Variants in SSH2 observed in about 807,000 individuals in gnomAD.
The protein encoded by SSH2 is slingshot protein phosphatase 2.
In SSH2, 37 loss-of-function variants were observed where a neutral mutation model predicts 135.2. That is an observed-to-expected ratio of 0.27 (90% CI 0.21 to 0.36). The LOEUF (loss-of-function observed/expected upper bound fraction) is 0.36. Among genes scored for constraint, SSH2 ranks in the 10% least tolerant of loss-of-function variants. The pLI is 1.00. For synonymous variants in SSH2, 628 were observed against 646.2 expected (o/e 0.97, Z 0.43); for missense variants, 1,408 against 1,765.3 (o/e 0.80, Z 3.63).
At chr17:29,675,420 C>A (rs2037665374) in intron 8 of SSH2, among the ~76,000 whole-genome samples, 1 of 152,134 alleles carries the variant, frequency 6.6e-6, no homozygotes, top group African/African-American at 2.4e-5. Context: ...AAATTCAAAT[C>A]CCTGACTGGG....
At chr17:29,885,249 C>A (rs1409775304) in intron 1 of SSH2, among the ~76,000 whole-genome samples, 1 of 150,224 alleles carries the variant, frequency 6.7e-6, no homozygotes, top group Non-Finnish European at 1.5e-5. Flanking sequence ...CTCACCAAGT[C>A]TTATGCAACC....
intron 3 of SSH2, among the ~76,000 whole-genome samples, chr17:29,709,045 G>GAGAGAGAGAGAGAA (rs1403595513): frequency 6.8e-6 from 1 of 147,520 alleles, no homozygotes; most frequent in Non-Finnish European, 1.5e-5. Context: ...GAGAGAGAGA[G>GAGAGAGAGAGAGAA]AGAGAGAGCT....
intron 3 of SSH2, among the ~76,000 whole-genome samples, chr17:29,792,715 A>C (rs983587502): frequency 3.3e-5 from 5 of 152,192 alleles, no homozygotes; most frequent in African/African-American, 1.2e-4. Context: ...CTCGCTCTGT[A>C]GCCCAAGCTG....
At chr17:29,833,060 C>A (rs554008749) in intron 2 of SSH2, among the ~76,000 whole-genome samples, 1 of 152,190 alleles carries the variant, frequency 6.6e-6, no homozygotes, top group Non-Finnish European at 1.5e-5. Flanking sequence ...AATGTGTATT[C>A]TGTAGCCATT....
chr17:29,818,409 C>T (rs929550759), intron 2 of SSH2, among the ~76,000 whole-genome samples: 4 of 151,892 alleles, frequency 2.6e-5, no homozygotes, highest in East Asian at 1.9e-4. Context: ...CCACCAAGCC[C>T]GGCTAATTTT....
Position 29,772,397 on chromosome 17 carries a change from C to T in SSH2, c.188+21497G>A, listed in dbSNP as rs551077934. Among the ~76,000 whole-genome samples the T allele has an allele frequency of 7.2e-5, 11 of 152,194 alleles. No individual in the cohort carries two copies. In the South Asian group the frequency reaches 2.1e-3, roughly 29 times the overall value. On this transcript the variant is annotated intron_variant, in intron 3 of 15. Transcript: ENST00000540801. Reference sequence around the variant, plus strand: ...AGTAGCTGGGACTACAGGCGCCCACCACCATGCCCGAATAATTTTTTGTAT... The same window carrying T: ...AGTAGCTGGGACTACAGGCGCCCACTACCATGCCCGAATAATTTTTTGTAT...
chr17:29,694,057 C>T (rs968916049), intron 5 of SSH2, among the ~76,000 whole-genome samples: 2 of 151,678 alleles, frequency 1.3e-5, no homozygotes, highest in Non-Finnish European at 2.9e-5. Flanking sequence ...AGCATAAATT[C>T]ATAAACTTTC....
rs146353275 is a variant in SSH2, at chr17:29,719,844, C to T, written c.189-16782G>A. Among the ~76,000 whole-genome samples, 1,266 of 152,264 alleles carry T rather than the reference C, an allele frequency of 8.3e-3. 20 individuals carry two copies. Among genetic ancestry groups the T allele is most frequent in the African/African-American group, 0.028 (1,165 of 41,534 alleles). On this transcript the variant is annotated intron_variant, in intron 3 of 15. Coordinates refer to ENST00000540801, the MANE Select transcript of SSH2 (RefSeq NM_001282129.2). ...CAGTCTCGGCTCACTGCAACCTCCG[C>T]CTCCTGGGTTCAAGTGATTCTCCTG...
intron 1 of SSH2, among the ~76,000 whole-genome samples, chr17:29,917,666 A>G (rs1486115337): frequency 6.6e-6 from 1 of 152,160 alleles, no homozygotes; most frequent in African/African-American, 2.4e-5. Context: ...CATCCTGGCT[A>G]ACATGGTGAA....
intron 3 of SSH2, among the ~76,000 whole-genome samples, chr17:29,708,861 G>A (rs1047130542): frequency 6.6e-6 from 1 of 151,116 alleles, no homozygotes; most frequent in African/African-American, 2.4e-5. Flanking sequence ...ATACAAAAAT[G>A]ACAGAATCAC....
chr17:29,823,567 A>C (rs6505143), intron 2 of SSH2, among the ~76,000 whole-genome samples: 84,857 of 151,836 alleles, frequency 0.56, 24,082 homozygotes, highest in East Asian at 0.69. Context: ...ATGCCCTCCT[A>C]ACCCACTTGG....
chr17:29,687,405 G>T (rs1446689008), intron 5 of SSH2, among the ~76,000 whole-genome samples: 1 of 152,198 alleles, frequency 6.6e-6, no homozygotes, highest in East Asian at 1.9e-4. Context: ...AAGATAGAGA[G>T]CTGTACTTTT....
At chr17:29,865,149 C>T (rs2065832538) in intron 1 of SSH2, among the ~76,000 whole-genome samples, 2 of 152,152 alleles carry the variant, frequency 1.3e-5, no homozygotes, top group Non-Finnish European at 2.9e-5. Context: ...TAAATGTCTT[C>T]TCTATTATAC....
intron 2 of SSH2, among the ~76,000 whole-genome samples, chr17:29,830,245 C>G (rs765778703): frequency 8.5e-5 from 13 of 152,168 alleles, no homozygotes; most frequent in Non-Finnish European, 1.6e-4. Context: ...TTTGTTCCAG[C>G]CTTACTGACC....
intron 1 of SSH2, among the ~76,000 whole-genome samples, chr17:29,903,103 C>T (rs1421169802): frequency 2.0e-5 from 3 of 151,718 alleles, no homozygotes; most frequent in Non-Finnish European, 2.9e-5. Context: ...GGAGAATTGC[C>T]TGAGCACGAG....
chr17:29,680,551 C>CAAAAAAAAAAAAAAAAA (rs1160865828), intron 6 of SSH2, among the ~76,000 whole-genome samples: 1 of 21,520 alleles, frequency 4.6e-5, no homozygotes, highest in Non-Finnish European at 7.8e-5. Flanking sequence ...GACTCCCTCT[C>CAAAAAAAAAAAAAAAAA]AAAAAAAAAA....
chr17:29,873,109 G>A (rs753040678), intron 1 of SSH2, among the ~76,000 whole-genome samples: 3 of 152,060 alleles, frequency 2.0e-5, no homozygotes, highest in African/African-American at 4.8e-5. Context: ...TTAGAGCTAC[G>A]GAGTTAACAA....
At chr17:29,905,733 G>T (rs1323187543) in intron 1 of SSH2, among the ~76,000 whole-genome samples, 2 of 152,168 alleles carry the variant, frequency 1.3e-5, no homozygotes, top group African/African-American at 2.4e-5. Flanking sequence ...GTGGGCTGGG[G>T]GCTGGGCTGC....
intron 2 of SSH2, among the ~76,000 whole-genome samples, chr17:29,805,213 C>T (rs2042320212): frequency 6.6e-6 from 1 of 151,792 alleles, no homozygotes; most frequent in African/African-American, 2.4e-5. Context: ...TGGAGAGCAG[C>T]GGCCTGATCT....
Sources: gnomAD v4.1 joint callset for allele counts (sites outside exome capture counted in the v4.1 genomes callset) on GRCh38, gnomAD v4.1.1 for gene constraint, MANE v1.5 for transcripts, NCBI Gene and HGNC (gene_info 2026-07-23, HGNC 2026-07-21) for gene names.